PATJ: variants seen among roughly 807,000 people sequenced by gnomAD.
The protein encoded by PATJ is inaD-like protein.
A neutral mutation model predicts 224.9 loss-of-function variants in PATJ; 190 were observed. That is an observed-to-expected ratio of 0.84 (90% confidence interval 0.75 to 0.95). The LOEUF (loss-of-function observed/expected upper bound fraction) is 0.95, where lower values mean the gene tolerates loss of function less well. PATJ is among the 40% of genes least tolerant of loss of function. The pLI, the probability that PATJ is intolerant of heterozygous loss-of-function variation, is 0.00. For synonymous variants in PATJ, 769 were observed against 820.3 expected (o/e 0.94, Z 1.07); for missense variants, 2,121 against 2,270.3 (o/e 0.93, Z 1.34).
intron 7 of PATJ, among the ~76,000 whole-genome samples, chr1:61,782,045 G>A (rs935986863): frequency 2.0e-5 from 3 of 152,158 alleles, no homozygotes; most frequent in African/African-American, 7.2e-5. Context: ...AGCATATACC[G>A]AAGTCCTAGA....
At chr1:61,869,097 A>ATTTTTTTTTTTTT (rs113334846) in intron 20 of PATJ, among the ~76,000 whole-genome samples, 2 of 125,512 alleles carry the variant, frequency 1.6e-5, no homozygotes, top group Non-Finnish European at 3.3e-5. Context: ...TGGAAATAAC[A>ATTTTTTTTTTTTT]TTTTTTTTTT....
Position 62,116,656 on chromosome 1 carries a change from G to A in PATJ, c.4780G>A (p.Glu1594Lys), listed in dbSNP as rs200259214. ...GGAGGACATGAGAAATGCCTCACAG[G>A]AGACAGTGGCCACCATCCTCAAGGT... ...NGEDMRNASQ[E>K]TVATILKCAQ... Residue 1594 changes from glutamate to lysine, a missense_variant, in exon 36 of 44, where the codon GAG becomes AAG. Glu to Lys is a moderately conservative substitution (Grantham distance 56). Coordinates refer to ENST00000642238, the MANE Select transcript of PATJ (RefSeq NM_001350145.3). 1.1e-5 allele frequency: 18 copies of A among 1,611,736 alleles called. No homozygotes were observed. Among genetic ancestry groups the A allele is most frequent in the Admixed American group, 1.0e-4 (6 of 59,554 alleles).
Position 61,833,644 on chromosome 1 carries a change from G to A in PATJ, c.1981-10G>A. On this transcript the variant is annotated splice_polypyrimidine_tract_variant and intron_variant, in intron 16 of 43. Coordinates refer to ENST00000642238, the MANE Select transcript of PATJ (RefSeq NM_001350145.3). ...GTGTTTTGAAGCATTTATCTTCTTT[G>A]GTATTTCAGGTTGACCACAATATGG... is the stretch of plus-strand genomic sequence containing the variant. The A allele has an allele frequency of 6.2e-7, 1 of 1,600,122 alleles. No homozygotes were observed. The highest frequency in any genetic ancestry group is 8.5e-7 in the Non-Finnish European group (1 of 1,174,414).
chr1:61,747,998 A>G (rs890351785), intron 1 of PATJ, among the ~76,000 whole-genome samples: 2 of 152,206 alleles, frequency 1.3e-5, no homozygotes, highest in Non-Finnish European at 2.9e-5. Flanking sequence ...CTCGTGCCTC[A>G]GTCTCCCAAG....
At chr1:61,768,872 C>G (rs1646444819) in intron 4 of PATJ, among the ~76,000 whole-genome samples, 1 of 151,968 alleles carries the variant, frequency 6.6e-6, no homozygotes, top group Non-Finnish European at 1.5e-5. Context: ...TGCACTCTAC[C>G]CTGGGCAACA....
At chr1:61,803,106 A>G (rs1310624883) in intron 12 of PATJ, among the ~76,000 whole-genome samples, 1 of 152,204 alleles carries the variant, frequency 6.6e-6, no homozygotes, top group East Asian at 1.9e-4. Context: ...AATTAGATAT[A>G]GTTTTAGAAG....
At chr1:61,937,650 C>T (rs369267142) in intron 27 of PATJ, among the ~76,000 whole-genome samples, 7 of 133,032 alleles carry the variant, frequency 5.3e-5, no homozygotes, top group Non-Finnish European at 7.9e-5. Flanking sequence ...CTTTCTTCTT[C>T]TTTTTTTTTT....
At chr1:61,977,856 A>T (rs962360923) in intron 27 of PATJ, among the ~76,000 whole-genome samples, 8 of 150,350 alleles carry the variant, frequency 5.3e-5, no homozygotes, top group Non-Finnish European at 1.0e-4. Context: ...TAGCCACTGT[A>T]CTCTAGCCTG....
chr1:61,774,794 G>T (rs1002944728), intron 6 of PATJ, among the ~76,000 whole-genome samples: 10 of 152,118 alleles, frequency 6.6e-5, no homozygotes, highest in Non-Finnish European at 8.8e-5. Flanking sequence ...TTGACTTCAT[G>T]TGCTCCCCTC....
At chr1:61,765,388 C>T (rs992601233) in intron 3 of PATJ, among the ~76,000 whole-genome samples, 1 of 150,688 alleles carries the variant, frequency 6.6e-6, no homozygotes, top group Non-Finnish European at 1.5e-5. Flanking sequence ...AACATTTATT[C>T]TGTTTTTTTT....
intron 27 of PATJ, among the ~76,000 whole-genome samples, chr1:61,969,226 A>G (rs995321140): frequency 6.6e-6 from 1 of 152,142 alleles, no homozygotes; most frequent in Non-Finnish European, 1.5e-5. Context: ...TTTGCTTTCA[A>G]TTATTTTAGA....
At chr1:62,132,122 A>G (rs1173863353) in intron 41 of PATJ, among the ~76,000 whole-genome samples, 17 of 152,222 alleles carry the variant, frequency 1.1e-4, no homozygotes, top group African/African-American at 1.9e-4. Context: ...TTCTGGGAGT[A>G]CAGGCATGAG....
intron 27 of PATJ, among the ~76,000 whole-genome samples, chr1:61,946,581 TACCA>T (rs1315911072): frequency 6.6e-6 from 1 of 152,120 alleles, no homozygotes; most frequent in Non-Finnish European, 1.5e-5. Context: ...ATTAATAGCC[TACCA>T]ACCAAACAAA....
chr1:61,756,745 A>C (rs1177682803), intron 1 of PATJ, among the ~76,000 whole-genome samples: 1 of 151,388 alleles, frequency 6.6e-6, no homozygotes, highest in Non-Finnish European at 1.5e-5. Context: ...CGCCCGGATA[A>C]TTTTTTATAT....
intron 17 of PATJ, among the ~76,000 whole-genome samples, chr1:61,846,666 G>A (rs1391450815): frequency 8.6e-5 from 13 of 152,008 alleles, no homozygotes; most frequent in South Asian, 2.1e-4. Context: ...GTGCTATCTC[G>A]GCTCACTGCA....
At chr1:62,144,773 A>ATATATATAT (rs1017771263) in intron 41 of PATJ, among the ~76,000 whole-genome samples, 8 of 86,910 alleles carry the variant, frequency 9.2e-5, no homozygotes, top group East Asian at 3.7e-4. Context: ...TTGCAAAAAA[A>ATATATATAT]AAAAATATAT....
At chr1:61,851,963 C>T (rs1024013046) in intron 17 of PATJ, among the ~76,000 whole-genome samples, 1 of 151,716 alleles carries the variant, frequency 6.6e-6, no homozygotes, top group African/African-American at 2.4e-5. Context: ...CACTTGAGGC[C>T]AGGAGTTCGA....
intron 1 of PATJ, among the ~76,000 whole-genome samples, chr1:61,758,366 G>A (rs1471361781): frequency 6.6e-6 from 1 of 151,772 alleles, no homozygotes; most frequent in Non-Finnish European, 1.5e-5. Context: ...GTTTTTTCTT[G>A]AGATGAAGTT....
At position 61,833,689 on chromosome 1, in the gene PATJ, T is replaced by A; in HGVS notation, c.2016T>A (p.Asp672Glu). ...DHNMDVNTEE[D>E]DDGELALWSP... Reference sequence around the variant, plus strand: ...ATATGGATGTCAATACTGAAGAAGATGATGATGGGGAATTAGCACTGTGGT... The same window carrying A: ...ATATGGATGTCAATACTGAAGAAGAAGATGATGGGGAATTAGCACTGTGGT... Residue 672 changes from aspartate (D) to glutamate (E), a missense_variant, in exon 17 of 44, where the codon GAT becomes GAA. Asp to Glu is a conservative substitution (Grantham distance 45, BLOSUM62 2). Transcript: ENST00000642238. 6.2e-7 allele frequency: 1 copy of A among 1,613,432 alleles called. No individual in the cohort carries two copies. The highest frequency in any genetic ancestry group is 1.1e-5 in the South Asian group (1 of 91,002).
Sources: allele counts gnomAD v4.1 joint callset (sites outside exome capture counted in the v4.1 genomes callset), GRCh38; gene constraint gnomAD v4.1.1; transcripts MANE v1.5; gene names NCBI Gene and HGNC (gene_info 2026-07-23, HGNC 2026-07-21).